The following CAMK2D variants were observed in gnomAD, a reference collection of about 807,000 sequenced individuals.
The protein encoded by CAMK2D is calcium/calmodulin-dependent protein kinase type II subunit delta.
CAMK2D carries 37 observed loss-of-function variants against 84.0 expected under a neutral mutation model. The ratio of observed to expected loss-of-function variants is 0.44; its 90% CI spans 0.34 to 0.58. The LOEUF (loss-of-function observed/expected upper bound fraction) is 0.58. Ranked by LOEUF, CAMK2D falls within the 20% of genes least tolerant of loss-of-function variation. The probability of loss-of-function intolerance (pLI) is 0.02; values close to 1 mark genes in which losing one functional copy is unlikely to be tolerated. For missense variants in CAMK2D, 448 were observed against 652.5 expected, an observed-to-expected ratio of 0.69 and a Z score of 3.41; for synonymous variants, 202 against 212.5, an observed-to-expected ratio of 0.95 and a Z score of 0.43.
intron 2 of CAMK2D, among the ~76,000 whole-genome samples, chr4:113,726,359 C>G (rs1439181508): frequency 1.5e-5 from 2 of 134,816 alleles, no homozygotes; most frequent in Non-Finnish European, 3.1e-5. Context: ...CATAAGATTG[C>G]TTGTTTTGCT....
intron 4 of CAMK2D, among the ~76,000 whole-genome samples, chr4:113,554,182 C>G (rs934009850): frequency 1.3e-5 from 2 of 152,044 alleles, no homozygotes; most frequent in African/African-American, 4.8e-5. Flanking sequence ...GTTATGTTAG[C>G]ATCTAACCTA....
chr4:113,748,851 T>C (rs2099610737), intron 2 of CAMK2D, among the ~76,000 whole-genome samples: 1 of 152,008 alleles, frequency 6.6e-6, no homozygotes, highest in South Asian at 2.1e-4. Flanking sequence ...TTTTATGATA[T>C]GATTATTTTA....
At chr4:113,537,499 A>G (rs2098501672) in intron 6 of CAMK2D, 56 bp from the exon 7 acceptor site, 2 of 1,026,968 alleles carry the variant, frequency 1.9e-6, no homozygotes, top group Non-Finnish European at 1.5e-6. Flanking sequence ...TTAAGCGACT[A>G]TTCAAAACTA....
At chr4:113,605,430 G>A (rs955834930) in intron 4 of CAMK2D, among the ~76,000 whole-genome samples, 4 of 152,132 alleles carry the variant, frequency 2.6e-5, no homozygotes, top group African/African-American at 9.7e-5. Context: ...TCATGCCCCA[G>A]GCACTGAACC....
intron 2 of CAMK2D, among the ~76,000 whole-genome samples, chr4:113,719,219 C>T (rs986915917): frequency 4.6e-5 from 7 of 152,128 alleles, no homozygotes; most frequent in Non-Finnish European, 7.4e-5. Flanking sequence ...TAGGACCCAA[C>T]GGAATAGACC....
chr4:113,475,973 T>A (rs2097607973), intron 16 of CAMK2D, among the ~76,000 whole-genome samples: 2 of 152,204 alleles, frequency 1.3e-5, no homozygotes, highest in African/African-American at 4.8e-5. Flanking sequence ...CCATTCATTG[T>A]TTAAAACTAC....
At chr4:113,458,337 T>C (rs551129021) in intron 18 of CAMK2D, among the ~76,000 whole-genome samples, 20 of 152,210 alleles carry the variant, frequency 1.3e-4, no homozygotes, top group African/African-American at 4.8e-4. Context: ...TTAGTGCACA[T>C]CACTTATTGA....
intron 6 of CAMK2D, among the ~76,000 whole-genome samples, chr4:113,544,052 A>C (rs1315379239): frequency 6.6e-6 from 1 of 152,124 alleles, no homozygotes; most frequent in African/African-American, 2.4e-5. Context: ...TAAGCACCCA[A>C]TACTAATTGT....
chr4:113,457,220 G>A, intron 19 of CAMK2D, 115 bp downstream of exon 19: 1 of 1,469,778 alleles, frequency 6.8e-7, no homozygotes, highest in Non-Finnish European at 9.0e-7. Context: ...ATTTTCATCA[G>A]TGTAACCAAC....
At chr4:113,517,721 T>C in intron 8 of CAMK2D, 64 bp from the exon 9 acceptor site, 4 of 755,884 alleles carry the variant, frequency 5.3e-6, no homozygotes, top group East Asian at 2.5e-5. Context: ...TAAATGTGGC[T>C]GATCCACAAT....
intron 4 of CAMK2D, among the ~76,000 whole-genome samples, chr4:113,570,546 GA>G (rs144543446): frequency 6.6e-6 from 1 of 152,180 alleles, no homozygotes; most frequent in African/African-American, 2.4e-5. Context: ...ACATAAGGAG[GA>G]AAAAGAGAGT....
Position 113,460,199 on chromosome 4 carries a change from A to AGC in CAMK2D, c.1252_1253dup (p.Gly420TrpfsTer4). 1 of 1,608,822 alleles carries AGC rather than the reference A, an allele frequency of 6.2e-7. No homozygotes were observed. The highest frequency in any genetic ancestry group is 8.5e-7 in the Non-Finnish European group (1 of 1,176,174). ...CCATCCCTTCCACTAAATTACCCAA[A>AGC]GCTTCAGGTTCAAAAGCAGTAAGGC... On this transcript the variant is annotated frameshift_variant, in exon 18 of 21. Transcript: ENST00000511664. LOFTEE classifies it high-confidence loss of function.
chr4:113,534,810 A>G (rs1448251588), intron 7 of CAMK2D, among the ~76,000 whole-genome samples: 1 of 152,154 alleles, frequency 6.6e-6, no homozygotes, highest in Non-Finnish European at 1.5e-5. Flanking sequence ...TTATTATCCC[A>G]TTTACAAAGA....
At chr4:113,567,748 T>C (rs1001366283) in intron 4 of CAMK2D, among the ~76,000 whole-genome samples, 2 of 152,184 alleles carry the variant, frequency 1.3e-5, no homozygotes, top group African/African-American at 4.8e-5. Flanking sequence ...AACTTCAGTG[T>C]CCTAATCTAT....
chr4:113,503,672 ACTT>A (rs916176275), intron 14 of CAMK2D, among the ~76,000 whole-genome samples: 56 of 152,322 alleles, frequency 3.7e-4, no homozygotes, highest in Admixed American at 1.0e-3. Context: ...TATCTAAAAA[ACTT>A]CTACTTTATG....
intron 3 of CAMK2D, among the ~76,000 whole-genome samples, chr4:113,635,654 GAA>G (rs2099107194): frequency 6.6e-6 from 1 of 152,158 alleles, no homozygotes; most frequent in Admixed American, 6.5e-5. Context: ...ACCCTTACAA[GAA>G]AATACAGTGG....
At chr4:113,719,653 ACT>A (rs2099524261) in intron 2 of CAMK2D, among the ~76,000 whole-genome samples, 1 of 152,194 alleles carries the variant, frequency 6.6e-6, no homozygotes, top group Non-Finnish European at 1.5e-5. Flanking sequence ...TATCAAGCTA[ACT>A]CTAAAAATTT....
At chr4:113,654,552 G>A (rs1244729245) in intron 3 of CAMK2D, among the ~76,000 whole-genome samples, 1 of 151,878 alleles carries the variant, frequency 6.6e-6, no homozygotes. Flanking sequence ...TATCTTATGT[G>A]AGGGGAGGAA....
chr4:113,497,698 C>T (rs1301982000), intron 16 of CAMK2D, among the ~76,000 whole-genome samples: 3 of 152,166 alleles, frequency 2.0e-5, no homozygotes, highest in Non-Finnish European at 4.4e-5. Flanking sequence ...GCTGTCCCTG[C>T]CAGGTTAGTC....
Sources: allele counts gnomAD v4.1 joint callset (sites outside exome capture counted in the v4.1 genomes callset), GRCh38; gene constraint gnomAD v4.1.1; transcripts MANE v1.5; gene names NCBI Gene and HGNC (gene_info 2026-07-23, HGNC 2026-07-21).